Variants in KATNAL1 observed in about 807,000 individuals in gnomAD.
KATNAL1 encodes katanin p60 ATPase-containing subunit A-like 1.
In KATNAL1, 32 loss-of-function variants were observed where a neutral mutation model predicts 55.2. That is an observed-to-expected ratio of 0.58 (90% CI 0.44 to 0.78). The LOEUF (loss-of-function observed/expected upper bound fraction) is 0.78, where lower values mean the gene tolerates loss of function less well. Among genes scored for constraint, KATNAL1 ranks in the 30% least tolerant of loss-of-function variants. The pLI is 0.00. For synonymous variants in KATNAL1, 193 were observed against 193.6 expected (o/e 1.00, Z 0.02); for missense variants, 466 against 600.9 (o/e 0.78, Z 2.35).
At chr13:30,215,557 A>C (rs886218670) in intron 9 of KATNAL1, among the ~76,000 whole-genome samples, 12 of 152,236 alleles carry the variant, frequency 7.9e-5, no homozygotes, top group African/African-American at 2.4e-4. Flanking sequence ...TGGATAAAGA[A>C]AATGTGGCAC....
chr13:30,288,209 ATAG>A (rs1172622236), intron 1 of KATNAL1, among the ~76,000 whole-genome samples: 1 of 152,162 alleles, frequency 6.6e-6, no homozygotes, highest in Admixed American at 6.5e-5. Context: ...CTTTATACTG[ATAG>A]TAGTCACAAG....
chr13:30,288,990 T>C (rs1301136620), intron 1 of KATNAL1, among the ~76,000 whole-genome samples: 2 of 152,228 alleles, frequency 1.3e-5, no homozygotes, highest in Non-Finnish European at 2.9e-5. Flanking sequence ...ACAGCTTTAT[T>C]TGTCCACCTG....
Position 30,205,509 on chromosome 13 carries a change from G to C in KATNAL1, c.*3031C>G, listed in dbSNP as rs1329729369. On this transcript the variant is annotated 3_prime_UTR_variant, in exon 11 of 11. Transcript: ENST00000380615. ...AGCCAAATATTTTTCCTTTGATAAT[G>C]CATCTGCTACCGCAACACTGAATAA... 1.3e-5 allele frequency: 2 copies of C among 152,246 alleles called. No individual in the cohort carries two copies. The highest frequency in any genetic ancestry group is 6.5e-5 in the Admixed American group (1 of 15,284). The allele number at this position is 152,246 out of a possible 1,614,324, so 9.4% of individuals were successfully genotyped here.
intron 3 of KATNAL1, among the ~76,000 whole-genome samples, chr13:30,277,779 C>A (rs989903559): frequency 2.0e-5 from 3 of 151,524 alleles, no homozygotes; most frequent in Non-Finnish European, 2.9e-5. Flanking sequence ...GTCAGGAGAT[C>A]GAGACCATCC....
At chr13:30,259,483 G>C (rs566972824) in intron 3 of KATNAL1, among the ~76,000 whole-genome samples, 162 of 152,292 alleles carry the variant, frequency 1.1e-3, no homozygotes, top group African/African-American at 3.8e-3. Context: ...ACTAGGGAGT[G>C]CCAGACAGTG....
chr13:30,294,346 A>G (rs1044257740), intron 1 of KATNAL1, among the ~76,000 whole-genome samples: 16 of 152,246 alleles, frequency 1.1e-4, no homozygotes, highest in African/African-American at 3.9e-4. Context: ...AATGATGAGA[A>G]AGCAAAACAG....
intron 6 of KATNAL1, among the ~76,000 whole-genome samples, chr13:30,236,312 A>C (rs8002236): frequency 0.01 from 1,534 of 152,284 alleles, 24 homozygotes; most frequent in African/African-American, 0.034. Context: ...TAGTGTCTGA[A>C]GTGAGGGCAG....
chr13:30,291,405 A>C (rs541259420), intron 1 of KATNAL1, among the ~76,000 whole-genome samples: 27 of 152,350 alleles, frequency 1.8e-4, no homozygotes, highest in African/African-American at 5.5e-4. Context: ...AAAATCTAAG[A>C]GAATTAAAGA....
chr13:30,227,428 A>G lies in KATNAL1; in HGVS notation c.1131T>C (p.Tyr377=), dbSNP rs1875613884. ...ACATCATACCTGTTGGGAGAGGTAT[A>G]TATATCCTTTTTTCTAACCTTCTTC... is the stretch of plus-strand genomic sequence containing the variant. ...ALRRRLEKRI[Y]IPLPTAKGRA... Residue 377 remains tyrosine (Y), a synonymous_variant, in exon 9 of 11, where the codon TAT becomes TAC. Transcript: ENST00000380615. 1 of 1,614,012 alleles carries G rather than the reference A, an allele frequency of 6.2e-7. No homozygotes were observed. The highest frequency in any genetic ancestry group is 8.5e-7 in the Non-Finnish European group (1 of 1,179,914).
intron 3 of KATNAL1, among the ~76,000 whole-genome samples, chr13:30,266,138 G>T (rs1160769729): frequency 1.3e-5 from 2 of 151,948 alleles, no homozygotes; most frequent in Non-Finnish European, 2.9e-5. Flanking sequence ...CCTCAGCTGG[G>T]ATTACAGGAA....
At chr13:30,241,250 T>A (rs1877248731) in intron 4 of KATNAL1, among the ~76,000 whole-genome samples, 164 bp from the exon 5 acceptor site, 1 of 152,192 alleles carries the variant, frequency 6.6e-6, no homozygotes, top group African/African-American at 2.4e-5. Context: ...ATTTAATTCA[T>A]CAGAAATACA....
intron 9 of KATNAL1, among the ~76,000 whole-genome samples, chr13:30,221,470 A>C (rs140766453): frequency 5.9e-5 from 9 of 152,358 alleles, no homozygotes; most frequent in African/African-American, 1.9e-4. Flanking sequence ...ATATGTGAAG[A>C]AGCAGAAAAA....
At chr13:30,270,277 C>T (rs1390930741) in intron 3 of KATNAL1, among the ~76,000 whole-genome samples, 1 of 143,206 alleles carries the variant, frequency 7.0e-6, no homozygotes, top group South Asian at 2.2e-4. Context: ...GCCCGGCCAG[C>T]CACCCCGTCC....
intron 5 of KATNAL1, 66 bp from the exon 6 acceptor site, chr13:30,240,631 T>C: frequency 9.2e-7 from 1 of 1,090,714 alleles, no homozygotes; most frequent in Non-Finnish European, 1.4e-6. Context: ...TCAAAACTAA[T>C]TCTTTTAATT....
chr13:30,238,836 G>A (rs1184037375), intron 6 of KATNAL1, among the ~76,000 whole-genome samples: 1 of 152,190 alleles, frequency 6.6e-6, no homozygotes, highest in African/African-American at 2.4e-5. Flanking sequence ...GTGCTTGACG[G>A]ATAAAGGAAT....
chr13:30,304,057 T>C (rs916179387), intron 1 of KATNAL1, among the ~76,000 whole-genome samples: 3 of 152,174 alleles, frequency 2.0e-5, no homozygotes, highest in African/African-American at 7.2e-5. Context: ...ATCAAATAAA[T>C]AGTATTAACA....
intron 3 of KATNAL1, among the ~76,000 whole-genome samples, chr13:30,270,517 G>C (rs1025980874): frequency 4.6e-5 from 7 of 152,206 alleles, no homozygotes; most frequent in African/African-American, 1.7e-4. Context: ...AAATCGGATG[G>C]TTGCCGTGTC....
intron 4 of KATNAL1, among the ~76,000 whole-genome samples, chr13:30,242,498 G>A (rs1280857432): frequency 6.6e-6 from 1 of 152,142 alleles, no homozygotes; most frequent in African/African-American, 2.4e-5. Context: ...TAGTCTAGTG[G>A]GGGAAACGAG....
At chr13:30,300,140 T>C (rs1882769669) in intron 1 of KATNAL1, among the ~76,000 whole-genome samples, 1 of 152,224 alleles carries the variant, frequency 6.6e-6, no homozygotes, top group South Asian at 2.1e-4. Flanking sequence ...AATCATAATA[T>C]TTATCATTCT....
Sources: gnomAD v4.1 joint callset for allele counts (sites outside exome capture counted in the v4.1 genomes callset) on GRCh38, gnomAD v4.1.1 for gene constraint, MANE v1.5 for transcripts, NCBI Gene and HGNC (gene_info 2026-07-23, HGNC 2026-07-21) for gene names.